LPIN1: variants seen among roughly 807,000 people sequenced by gnomAD.
LPIN1 encodes the protein phosphatidate phosphatase LPIN1.
A neutral mutation model predicts 107.5 loss-of-function variants in LPIN1; 71 were observed. The observed-to-expected ratio is 0.66, with a 90% confidence interval of 0.55 to 0.80. The LOEUF (loss-of-function observed/expected upper bound fraction) is 0.80, where lower values mean the gene tolerates loss of function less well. LPIN1 is among the 30% of genes least tolerant of loss of function. LPIN1 has a pLI of 0.00. For synonymous variants in LPIN1, 445 were observed against 452.6 expected, an observed-to-expected ratio of 0.98 and a Z score of 0.21; for missense variants, 1,043 against 1,160.6, an observed-to-expected ratio of 0.90 and a Z score of 1.47.
chr2:11,791,867 T>C, intron 12 of LPIN1, 47 bp from the exon 13 acceptor site: 1 of 1,605,078 alleles, frequency 6.2e-7, no homozygotes, highest in Non-Finnish European at 8.5e-7. Context: ...TGTGCTAAGT[T>C]GATCTTTTTT....
At chr2:11,743,866 C>A (rs1195724527), upstream of LPIN1, among the ~76,000 whole-genome samples, 1 of 152,172 alleles carries the variant, frequency 6.6e-6, no homozygotes, top group African/African-American at 2.4e-5. The surrounding 1 kb of genome is among the most constrained non-coding windows in gnomAD (Gnocchi z 4.7). Context: ...GGTGGTTGAT[C>A]TGGACAACTT....
chr2:11,681,926 TG>T (rs1244381221), intron 1 of LPIN1, among the ~76,000 whole-genome samples: 1 of 152,172 alleles, frequency 6.6e-6, no homozygotes, highest in African/African-American at 2.4e-5. Context: ...CCCCTGACGG[TG>T]GCCGGGTGTG....
chr2:11,773,674 C>T lies in LPIN1; in HGVS notation c.651C>T (p.Leu217=). 1 of 1,612,922 alleles carries T rather than the reference C, an allele frequency of 6.2e-7. No individual in the cohort carries two copies. The highest frequency in any genetic ancestry group is 8.5e-7 in the Non-Finnish European group (1 of 1,178,974). ...AAGATGATATTCCTGAGGAAAACCT[C>T]TCCCTGGCTGTGATTTACCCTCAGT... ...PFQDDIPEEN[L]SLAVIYPQSA... is the part of the protein sequence containing the mutation. Residue 217 remains leucine, a synonymous_variant, in exon 5 of 21, where the codon CTC becomes CTT. Coordinates refer to ENST00000674199, the MANE Select transcript of LPIN1 (RefSeq NM_001349206.2).
rs1480460115 is a variant in LPIN1, at chr2:11,776,223, T to C, written c.830+30T>C. 5.8e-6 allele frequency: 8 copies of C among 1,379,824 alleles called. No individual in the cohort carries two copies. The African/African-American group carries it at 7.2e-5, about 12-fold the overall frequency. 85.5% of individuals were successfully genotyped at this position (1,379,824 alleles called of 1,614,324 possible). ...AGGAGTTATTTTCCCCATTGGGATA[T>C]ATTCAATAATGAAAAATTTGATCTA... is the stretch of plus-strand genomic sequence containing the variant. On this transcript the variant is annotated intron_variant, in intron 6 of 20. Coordinates refer to ENST00000674199, the MANE Select transcript of LPIN1 (RefSeq NM_001349206.2).
At chr2:11,733,634 G>A (rs1005907273) in intron 1 of LPIN1, among the ~76,000 whole-genome samples, 1 of 152,060 alleles carries the variant, frequency 6.6e-6, no homozygotes, top group African/African-American at 2.4e-5. Context: ...TGGGATTACA[G>A]GTGTGCACAA....
At chr2:11,751,547 A>G (rs1194803821) in intron 1 of LPIN1, among the ~76,000 whole-genome samples, 1 of 152,152 alleles carries the variant, frequency 6.6e-6, no homozygotes, top group African/African-American at 2.4e-5. Context: ...ATATGTACAA[A>G]TGTAATTTTT....
At chr2:11,696,880 C>A (rs1054815838) in intron 1 of LPIN1, among the ~76,000 whole-genome samples, 4 of 152,244 alleles carry the variant, frequency 2.6e-5, no homozygotes, top group African/African-American at 9.6e-5. Flanking sequence ...GTCCTGCGCC[C>A]CTCCCTGGCT....
At chr2:11,717,007 T>C (rs968431842) in intron 2 of LPIN1, among the ~76,000 whole-genome samples, 8 of 152,204 alleles carry the variant, frequency 5.3e-5, no homozygotes, top group Admixed American at 1.3e-4. Flanking sequence ...TTATTTCTTT[T>C]ATTTCTTGTC....
intron 17 of LPIN1, among the ~76,000 whole-genome samples, chr2:11,808,894 C>CGA (rs968272020): frequency 2.0e-5 from 3 of 148,880 alleles, no homozygotes; most frequent in African/African-American, 5.0e-5. Context: ...AAAGAGAGAG[C>CGA]GAGAGAGAGA....
chr2:11,727,669 A>C (rs1469794346), intron 1 of LPIN1, among the ~76,000 whole-genome samples: 1 of 152,230 alleles, frequency 6.6e-6, no homozygotes, highest in Non-Finnish European at 1.5e-5. Flanking sequence ...TATATTTTAA[A>C]GTCCACGAGT....
At chr2:11,694,306 G>A (rs1415834655) in intron 1 of LPIN1, among the ~76,000 whole-genome samples, 1 of 152,170 alleles carries the variant, frequency 6.6e-6, no homozygotes, top group East Asian at 1.9e-4. Flanking sequence ...GGTTGTTATT[G>A]TTACTCGAGC....
intron 1 of LPIN1, among the ~76,000 whole-genome samples, chr2:11,756,171 A>T (rs1044593156): frequency 1.3e-5 from 2 of 152,210 alleles, no homozygotes; most frequent in Non-Finnish European, 2.9e-5. Flanking sequence ...GCTTACCATG[A>T]CATCATTTCA....
At chr2:11,704,280 T>C (rs1205032763) in intron 1 of LPIN1, among the ~76,000 whole-genome samples, 1 of 152,254 alleles carries the variant, frequency 6.6e-6, no homozygotes, top group Non-Finnish European at 1.5e-5. Context: ...AAGCCATCTT[T>C]AATCTAATAT....
chr2:11,733,636 T>A (rs1665495409), intron 1 of LPIN1, among the ~76,000 whole-genome samples: 1 of 151,980 alleles, frequency 6.6e-6, no homozygotes, highest in Non-Finnish European at 1.5e-5. Flanking sequence ...GGATTACAGG[T>A]GTGCACAACG....
chr2:11,815,097 T>C lies in LPIN1; in HGVS notation c.2259T>C (p.Tyr753=). ...KLYHKVSQNG[Y]KFLYCSARAI... ...GTTTTATGTCTTTCAGGAATGGATA[T>C]AAATTTCTCTACTGTTCTGCCCGTG... Residue 753 remains tyrosine, a synonymous_variant, in exon 18 of 21, where the codon TAT becomes TAC. Transcript: ENST00000674199. The C allele has an allele frequency of 6.2e-7, 1 of 1,614,168 alleles. No individual in the cohort carries two copies. The highest frequency in any genetic ancestry group is 1.1e-5 in the South Asian group (1 of 91,086).
At chr2:11,684,314 C>T (rs1661884443) in intron 1 of LPIN1, among the ~76,000 whole-genome samples, 1 of 151,770 alleles carries the variant, frequency 6.6e-6, no homozygotes, top group South Asian at 2.1e-4. Flanking sequence ...GCTGGGACTA[C>T]AGGTGTGTGC....
At chr2:11,713,234 C>T (rs574759651) in intron 1 of LPIN1, among the ~76,000 whole-genome samples, 1 of 152,328 alleles carries the variant, frequency 6.6e-6, no homozygotes, top group South Asian at 2.1e-4. Flanking sequence ...ATGTAATTGA[C>T]ACATCATAGT....
At chr2:11,806,002 C>T (rs1047365042) in intron 17 of LPIN1, among the ~76,000 whole-genome samples, 3 of 152,170 alleles carry the variant, frequency 2.0e-5, no homozygotes, top group Non-Finnish European at 4.4e-5. Flanking sequence ...GTGAAATCTC[C>T]CCCTCCACAG....
chr2:11,729,737 C>T (rs1198929589), intron 1 of LPIN1, among the ~76,000 whole-genome samples: 1 of 152,160 alleles, frequency 6.6e-6, no homozygotes, highest in African/African-American at 2.4e-5. Context: ...AACCTTGTTC[C>T]TCTATATAAT....
Sources: allele counts gnomAD v4.1 joint callset (sites outside exome capture counted in the v4.1 genomes callset), GRCh38; gene constraint gnomAD v4.1.1; non-coding constraint Gnocchi (gnomAD v3.1); transcripts MANE v1.5; gene names NCBI Gene and HGNC (gene_info 2026-07-23, HGNC 2026-07-21).